Variants in SHROOM3 observed in about 807,000 individuals in gnomAD.
SHROOM3 encodes the protein protein Shroom3.
A neutral mutation model predicts 138.6 loss-of-function variants in SHROOM3; 47 were observed. That is an observed-to-expected ratio of 0.34 (90% CI 0.27 to 0.43). The LOEUF is 0.43. SHROOM3 is among the 20% of genes least tolerant of loss of function. SHROOM3 has a pLI of 1.00. For synonymous variants in SHROOM3, 1,062 were observed against 1,063.3 expected (o/e 1.00, Z 0.02); for missense variants, 2,491 against 2,596.5 (o/e 0.96, Z 0.88).
chr4:76,681,153 C>T (rs927587015), intron 2 of SHROOM3, among the ~76,000 whole-genome samples: 25 of 152,336 alleles, frequency 1.6e-4, no homozygotes, highest in African/African-American at 6.0e-4. Flanking sequence ...CACAACTGGC[C>T]TGTGCTGTTT....
chr4:76,439,180 C>T (rs1245600670), intron 1 of SHROOM3, among the ~76,000 whole-genome samples: 2 of 152,108 alleles, frequency 1.3e-5, no homozygotes, highest in South Asian at 2.1e-4. Context: ...TTCCCTGGCT[C>T]ATGGTCCCCT....
chr4:76,672,448 TTCTC>T, intron 2 of SHROOM3, among the ~76,000 whole-genome samples: 1 of 151,950 alleles, frequency 6.6e-6, no homozygotes, highest in Non-Finnish European at 1.5e-5. Flanking sequence ...AGAATACCGT[TTCTC>T]TCTGCTCACC....
intron 1 of SHROOM3, among the ~76,000 whole-genome samples, chr4:76,528,206 T>G (rs1473878254): frequency 6.6e-6 from 1 of 152,202 alleles, no homozygotes; most frequent in Non-Finnish European, 1.5e-5. Context: ...TATAATTGAA[T>G]TAGATTAACT....
chr4:76,739,048 G>C lies in SHROOM3; in HGVS notation c.875G>C (p.Arg292Pro), dbSNP rs371504856. Reference sequence around the variant, plus strand: ...GGCTCCATGGACAATACTTCTGCTCGAGGTGGCCTCCTCGAAGGGATGAGG... The same window carrying C: ...GGCTCCATGGACAATACTTCTGCTCCAGGTGGCCTCCTCGAAGGGATGAGG... The part of the protein sequence containing the change: ...RSGSMDNTSA[R>P]GGLLEGMRQA... The change falls in exon 5 of 11, where the codon CGA becomes CCA. Residue 292 changes from arginine to proline, a missense_variant. Physicochemically the swap from Arg to Pro is moderately radical, Grantham distance 103. Transcript: ENST00000296043. The C allele has an allele frequency of 3.7e-6, 6 of 1,614,236 alleles. No individual in the cohort carries two copies. The South Asian group carries it at 5.5e-5, about 15-fold the overall frequency.
At chr4:76,536,421 A>C (rs1253262911) in intron 1 of SHROOM3, among the ~76,000 whole-genome samples, 2 of 152,130 alleles carry the variant, frequency 1.3e-5, no homozygotes, top group Admixed American at 6.5e-5. Flanking sequence ...TTTCTTTGCA[A>C]ATGTTTGAAT....
intron 6 of SHROOM3, 123 bp from the exon 7 acceptor site, chr4:76,754,188 T>C: frequency 2.3e-6 from 3 of 1,277,582 alleles, no homozygotes; most frequent in Non-Finnish European, 3.4e-6. Context: ...GTGCAGTTTC[T>C]GGGGGAAGGA....
At chr4:76,697,627 C>G (rs1307038934) in intron 2 of SHROOM3, among the ~76,000 whole-genome samples, 1 of 152,138 alleles carries the variant, frequency 6.6e-6, no homozygotes. Context: ...ATTTAAGTTA[C>G]GTTTGCTTCA....
rs1168273481 is a variant in SHROOM3 at position 76,740,557 on chromosome 4, G to A, written c.2384G>A (p.Ser795Asn). ...AAATTCGAGCAGCGAGAGCAAGGGA[G>A]CCAGAGACCGAGTGTGGGCGGCTCT... ...VSKFEQREQGSQRPSVGGSGF... is the reference protein window; with the variant it reads ...VSKFEQREQGNQRPSVGGSGF... The change falls in exon 5 of 11, where the codon AGC (serine) becomes AAC (asparagine). Residue 795 changes from serine (S) to asparagine (N), a missense_variant. Physicochemically the swap from Ser to Asn is conservative, Grantham distance 46. This residue lies in a region of SHROOM3 where 1,733 missense variants were observed against 1,661.6 expected (regional missense o/e 1.04). Transcript: ENST00000296043. The surrounding 1 kb of genome is among the most constrained non-coding windows in gnomAD (Gnocchi z 4.0). 3 of 1,614,170 alleles carry A rather than the reference G, an allele frequency of 1.9e-6. No individual in the cohort carries two copies. The highest frequency in any genetic ancestry group is 8.5e-7 in the Non-Finnish European group (1 of 1,180,028).
rs567488374 is a variant in SHROOM3 at position 76,699,508 on chromosome 4, C to T, written c.324-10648C>T. On this transcript the variant is annotated intron_variant, in intron 2 of 10. Coordinates refer to ENST00000296043, the MANE Select transcript of SHROOM3 (RefSeq NM_020859.4). ...GACTTGCTCATAGCAATTACAGAGA[C>T]GGCCTTGTGCAGGTGTCCTGGCTGC... 6.6e-5 allele frequency among the ~76,000 whole-genome samples: 10 copies of T among 152,292 alleles called. 1 individual carries two copies. The highest frequency in any genetic ancestry group is 3.9e-4 in the East Asian group (2 of 5,178).
intron 1 of SHROOM3, among the ~76,000 whole-genome samples, chr4:76,437,538 C>T (rs1730586945): frequency 6.6e-6 from 1 of 152,186 alleles, no homozygotes; most frequent in South Asian, 2.1e-4. Flanking sequence ...TCATTCCAGA[C>T]AGGTTTTTGG....
At chr4:76,574,689 A>T (rs184800194) in intron 2 of SHROOM3, among the ~76,000 whole-genome samples, 1 of 152,360 alleles carries the variant, frequency 6.6e-6, no homozygotes, top group Admixed American at 6.5e-5. Context: ...ATGAACCCTA[A>T]GGACATTATG....
At chr4:76,555,326 C>T (rs964236176) in intron 1 of SHROOM3, among the ~76,000 whole-genome samples, 2 of 151,952 alleles carry the variant, frequency 1.3e-5, no homozygotes, top group African/African-American at 2.4e-5. Context: ...TCCTGAGCAC[C>T]GTGGGATAAT....
intron 1 of SHROOM3, among the ~76,000 whole-genome samples, chr4:76,549,132 CT>C (rs1733291827): frequency 6.6e-6 from 1 of 152,124 alleles, no homozygotes; most frequent in African/African-American, 2.4e-5. Context: ...TACTGTTAAA[CT>C]TTTTGTAAAC....
intron 1 of SHROOM3, among the ~76,000 whole-genome samples, chr4:76,454,832 A>G (rs571799397): frequency 1.3e-5 from 2 of 152,288 alleles, no homozygotes; most frequent in African/African-American, 2.4e-5. Context: ...GCTTTCTTTC[A>G]GCAATGATTT....
intron 1 of SHROOM3, among the ~76,000 whole-genome samples, chr4:76,445,095 C>CAAA (rs35001806): frequency 8.4e-6 from 1 of 119,586 alleles, no homozygotes; most frequent in Non-Finnish European, 1.7e-5. Flanking sequence ...GACATTGTCT[C>CAAA]AAAAAAAAAA....
intron 1 of SHROOM3, among the ~76,000 whole-genome samples, chr4:76,541,622 GGC>G (rs1026741961): frequency 2.9e-5 from 4 of 138,544 alleles, no homozygotes; most frequent in Non-Finnish European, 6.7e-5. Flanking sequence ...CACATATGTG[GGC>G]GCACACACAC....
At chr4:76,482,273 A>G (rs949532458) in intron 1 of SHROOM3, among the ~76,000 whole-genome samples, 9 of 152,178 alleles carry the variant, frequency 5.9e-5, no homozygotes, top group Admixed American at 2.0e-4. Flanking sequence ...CTCAGCCCAA[A>G]ATTTCCTTAA....
At chr4:76,628,807 A>T (rs1253033521) in intron 2 of SHROOM3, 2 of 151,982 alleles carry the variant, frequency 1.3e-5, no homozygotes, top group Non-Finnish European at 2.9e-5. Context: ...GGAGAAGAGG[A>T]TCAGGAGTTC....
intron 5 of SHROOM3, among the ~76,000 whole-genome samples, chr4:76,743,883 T>C (rs1721344784): frequency 1.3e-5 from 2 of 152,228 alleles, no homozygotes; most frequent in African/African-American, 4.8e-5. Flanking sequence ...ACACACAATT[T>C]CATTTAGCTT....
Sources: allele counts gnomAD v4.1 joint callset (sites outside exome capture counted in the v4.1 genomes callset), GRCh38; gene constraint gnomAD v4.1.1; regional missense constraint gnomAD v4.1.1; non-coding constraint Gnocchi (gnomAD v3.1); transcripts MANE v1.5; gene names NCBI Gene and HGNC (gene_info 2026-07-23, HGNC 2026-07-21).